Variants in EVA1A observed in about 807,000 individuals in gnomAD.
The protein encoded by EVA1A is protein eva-1 homolog A.
A neutral mutation model predicts 9.8 loss-of-function variants in EVA1A; 7 were observed. The observed-to-expected ratio is 0.71, with a 90% CI of 0.41 to 1.34. The LOEUF (loss-of-function observed/expected upper bound fraction) is 1.34. Ranked by LOEUF, EVA1A falls within the 40% of genes most tolerant of loss-of-function variation. EVA1A has a pLI of 0.01. For synonymous variants in EVA1A, 90 were observed against 85.6 expected, an observed-to-expected ratio of 1.05 and a Z score of -0.28; for missense variants, 206 against 205.9, an observed-to-expected ratio of 1.00 and a Z score of 0.00.
At position 75,496,470 on chromosome 2, in the gene EVA1A, C is replaced by T. The variant is rs572607721; in HGVS notation, c.86-2861G>A. On this transcript the variant is annotated intron_variant, in intron 3 of 3. Transcript: ENST00000393913. ...TAATAAAATACCTAAAAAATAGCTA[C>T]CCAAGGAGGTGAAGGATCTCTACAA... Among the ~76,000 whole-genome samples, 7 of 152,114 alleles carry T rather than the reference C, an allele frequency of 4.6e-5. No homozygotes were observed. In the South Asian group the frequency reaches 1.2e-3, roughly 27 times the overall value.
intron 1 of EVA1A, among the ~76,000 whole-genome samples, chr2:75,525,103 A>C (rs550492832): frequency 6.6e-6 from 1 of 152,140 alleles, no homozygotes; most frequent in African/African-American, 2.4e-5. Context: ...ATATATAAAT[A>C]TACAATGTAT....
rs563700579 is a variant in EVA1A, at chr2:75,492,995, G to A, written c.*241C>T. The stretch of plus-strand genomic sequence containing the variant: ...TCTCCGATCTCCATCCACAGTGTTG[G>A]AGAGGATTTTTCAGCACCATTCCGA... On this transcript the variant is annotated 3_prime_UTR_variant, in exon 4 of 4. Transcript: ENST00000393913. 3.6e-6 allele frequency: 2 copies of A among 550,108 alleles called. No individual in the cohort carries two copies. The highest frequency in any genetic ancestry group is 3.1e-5 in the East Asian group (1 of 32,712). The allele number at this position is 550,108 out of a possible 1,614,324, so 34.1% of individuals were successfully genotyped here. A position where few individuals can be genotyped will look rare whatever the true frequency, so the allele number is the denominator to read the frequency against.
chr2:75,562,608 T>G (rs1359331041), upstream of EVA1A, among the ~76,000 whole-genome samples: 1 of 152,188 alleles, frequency 6.6e-6, no homozygotes, highest in Non-Finnish European at 1.5e-5. Flanking sequence ...GAGAAAGTAC[T>G]CCCCTCTCCG....
intron 1 of EVA1A, among the ~76,000 whole-genome samples, chr2:75,548,327 G>T (rs1371028050): frequency 3.3e-5 from 5 of 152,136 alleles, no homozygotes. Context: ...TAGAGATGAG[G>T]TTTTGCCATG....
chr2:75,498,628 T>C (rs1230736798), intron 3 of EVA1A, among the ~76,000 whole-genome samples: 1 of 152,204 alleles, frequency 6.6e-6, no homozygotes, highest in Non-Finnish European at 1.5e-5. Context: ...AGCAACACTG[T>C]TTCAGGAAAA....
chr2:75,500,279 C>A (rs1674366656), intron 3 of EVA1A, among the ~76,000 whole-genome samples: 1 of 152,194 alleles, frequency 6.6e-6, no homozygotes, highest in Admixed American at 6.5e-5. Flanking sequence ...ATGTTGTCAG[C>A]TGATAAATCA....
chr2:75,562,688 A>G (rs1676950551), upstream of EVA1A, among the ~76,000 whole-genome samples: 1 of 152,218 alleles, frequency 6.6e-6, no homozygotes, highest in African/African-American at 2.4e-5. Context: ...CTGGCATGCA[A>G]GGGCCATCAT....
At chr2:75,549,006 A>AT (rs1401768012) in intron 1 of EVA1A, among the ~76,000 whole-genome samples, 13 of 126,238 alleles carry the variant, frequency 1.0e-4, no homozygotes, top group Admixed American at 4.7e-4. Flanking sequence ...ATATATATAT[A>AT]TATTTTTTTT....
At chr2:75,547,125 G>A (rs546139472) in intron 1 of EVA1A, among the ~76,000 whole-genome samples, 1 of 152,260 alleles carries the variant, frequency 6.6e-6, no homozygotes, top group Non-Finnish European at 1.5e-5. Context: ...CACACAGGCT[G>A]GCAGTTAAAA....
At chr2:75,547,484 C>A (rs1032376323) in intron 1 of EVA1A, among the ~76,000 whole-genome samples, 13 of 152,184 alleles carry the variant, frequency 8.5e-5, no homozygotes, top group African/African-American at 3.1e-4. Flanking sequence ...CTATGTAATG[C>A]ACCAAGCACG....
chr2:75,538,590 A>G (rs1291993544), intron 1 of EVA1A, among the ~76,000 whole-genome samples: 1 of 152,230 alleles, frequency 6.6e-6, no homozygotes, highest in Non-Finnish European at 1.5e-5. Flanking sequence ...GAAATAATTC[A>G]TACATCCTTC....
Position 75,518,136 on chromosome 2 carries a change from C to G in EVA1A, c.5G>C (p.Arg2Thr). The G allele has an allele frequency of 6.2e-7, 1 of 1,613,964 alleles. No homozygotes were observed. Among genetic ancestry groups the G allele is most frequent in the Non-Finnish European group, 8.5e-7 (1 of 1,179,932 alleles). M[R>T]LPLSHSPEHV... Reference sequence around the variant, plus strand: ...CTCTGGGCTGTGGCTGAGGGGCAGCCTCATGGGACATCCAGAGGGGACCTC... The same window carrying G: ...CTCTGGGCTGTGGCTGAGGGGCAGCGTCATGGGACATCCAGAGGGGACCTC... Residue 2 changes from arginine to threonine, a missense_variant, in exon 3 of 4, where the codon AGG becomes ACG. Physicochemically the swap from Arg to Thr is moderately conservative, Grantham distance 71 (BLOSUM62 -1). Transcript: ENST00000393913.
intron 1 of EVA1A, among the ~76,000 whole-genome samples, chr2:75,555,087 T>C (rs539544922): frequency 1.3e-5 from 2 of 152,286 alleles, no homozygotes; most frequent in Admixed American, 6.5e-5. Flanking sequence ...GGATGACCTA[T>C]AGAAGGACCT....
At chr2:75,517,807 AC>A in intron 3 of EVA1A, 1 of 720,618 alleles carries the variant, frequency 1.4e-6, no homozygotes. Context: ...CACTTCAATC[AC>A]TCACTTGAGC....
At chr2:75,539,379 G>A in intron 1 of EVA1A, among the ~76,000 whole-genome samples, 1 of 152,202 alleles carries the variant, frequency 6.6e-6, no homozygotes, top group East Asian at 1.9e-4. Context: ...GATTAACCAA[G>A]CATAGGTTTA....
chr2:75,567,523 G>A (rs2104010690), intron 1 of EVA1A, among the ~76,000 whole-genome samples: 1 of 152,274 alleles, frequency 6.6e-6, no homozygotes, highest in East Asian at 1.9e-4. Flanking sequence ...GCAAAACACA[G>A]GACAGACAAC....
intron 3 of EVA1A, among the ~76,000 whole-genome samples, chr2:75,506,882 G>A (rs949654414): frequency 3.9e-5 from 6 of 152,146 alleles, no homozygotes; most frequent in Admixed American, 6.5e-5. Flanking sequence ...CTCCATAGCC[G>A]TTTACCAAGA....
At chr2:75,497,971 T>C (rs1674274170) in intron 3 of EVA1A, among the ~76,000 whole-genome samples, 1 of 151,734 alleles carries the variant, frequency 6.6e-6, no homozygotes, top group African/African-American at 2.4e-5. Flanking sequence ...ATCCCACTAC[T>C]GGGTGTATAT....
chr2:75,503,031 C>G (rs1006168516), intron 3 of EVA1A, among the ~76,000 whole-genome samples: 2 of 152,180 alleles, frequency 1.3e-5, no homozygotes, highest in Non-Finnish European at 1.5e-5. Context: ...ATGAGTCCAC[C>G]TTGTCCTGCC....
Sources: allele counts gnomAD v4.1 joint callset (sites outside exome capture counted in the v4.1 genomes callset), GRCh38; gene constraint gnomAD v4.1.1; transcripts MANE v1.5; gene names NCBI Gene and HGNC (gene_info 2026-07-23, HGNC 2026-07-21).